The following DPP10 variants were observed in gnomAD, a reference collection of about 807,000 sequenced individuals.
DPP10 encodes the protein dipeptidyl peptidase like 10, also known as inactive dipeptidyl peptidase 10.
Under a neutral mutation model 120.9 loss-of-function variants are expected in DPP10, and 33 were observed. That is an observed-to-expected ratio of 0.27 (90% CI 0.21 to 0.37). The LOEUF (loss-of-function observed/expected upper bound fraction) is 0.37, where lower values mean the gene tolerates loss of function less well. Among genes scored for constraint, DPP10 ranks in the 10% least tolerant of loss-of-function variants. The pLI is 1.00. For missense variants in DPP10, 816 were observed against 942.8 expected (o/e 0.87, Z 1.76); for synonymous variants, 337 against 326.1 (o/e 1.03, Z -0.36).
intron 1 of DPP10, among the ~76,000 whole-genome samples, chr2:115,012,021 A>C (rs530843709): frequency 6.6e-6 from 1 of 152,048 alleles, no homozygotes; most frequent in Admixed American, 6.6e-5. Context: ...GCTTTCCCCT[A>C]CTTCCCTGGC....
chr2:115,083,788 C>T lies in DPP10; in HGVS notation c.61-225451C>T, dbSNP rs559674931. Among the ~76,000 whole-genome samples the T allele has an allele frequency of 2.0e-4, 30 of 152,308 alleles. 1 individual carries two copies. The South Asian group carries it at 6.2e-3, about 32-fold the overall frequency. On this transcript the variant is annotated intron_variant, in intron 1 of 25. Transcript: ENST00000410059. ...CACTAAGTGATTTCTGCAAGATTTT[C>T]ATGGTAGCATCCAACTACACAGCCA...
At chr2:114,472,828 T>C (rs1389881608) in intron 1 of DPP10, among the ~76,000 whole-genome samples, 1 of 152,204 alleles carries the variant, frequency 6.6e-6, no homozygotes, top group Admixed American at 6.5e-5. Flanking sequence ...CTGAAGCTGG[T>C]TCACAGAAGT....
rs2076432570 is a variant in DPP10 at position 115,497,007 on chromosome 2, A to ACAGGACTGGTTGAGTCG, written c.272-2503_272-2502insCAGGACTGGTTGAGTCG. 3.3e-5 allele frequency among the ~76,000 whole-genome samples: 5 copies of ACAGGACTGGTTGAGTCG among 151,888 alleles called. No individual in the cohort carries two copies. The South Asian group carries it at 1.0e-3, about 32-fold the overall frequency. ...GGGAGGTCACAGGACTGGTTGAGTC[A>ACAGGACTGGTTGAGTCG]TGAGTCCAGGTGAGGCCAGTCTGAA... On this transcript the variant is annotated intron_variant, in intron 3 of 25. Coordinates refer to ENST00000410059, the MANE Select transcript of DPP10 (RefSeq NM_020868.6).
At chr2:115,462,528 A>G (rs994436726) in intron 3 of DPP10, among the ~76,000 whole-genome samples, 1 of 152,186 alleles carries the variant, frequency 6.6e-6, no homozygotes, top group South Asian at 2.1e-4. Flanking sequence ...AAGGTCCTCC[A>G]TGATATGAAG....
At chr2:115,272,905 C>T (rs935698082) in intron 1 of DPP10, among the ~76,000 whole-genome samples, 1 of 152,198 alleles carries the variant, frequency 6.6e-6, no homozygotes, top group African/African-American at 2.4e-5. Flanking sequence ...GGATGAAAAA[C>T]GCTTCATAAT....
intron 1 of DPP10, among the ~76,000 whole-genome samples, chr2:115,032,454 CAAAG>C (rs752993072): frequency 5.7e-4 from 87 of 152,206 alleles, no homozygotes; most frequent in Non-Finnish European, 5.4e-4. Flanking sequence ...ATTCAGAATA[CAAAG>C]AAAGATATTT....
intron 4 of DPP10, among the ~76,000 whole-genome samples, chr2:115,500,590 T>C (rs1385240749): frequency 6.6e-6 from 1 of 152,042 alleles, no homozygotes; most frequent in Non-Finnish European, 1.5e-5. Context: ...AGTGATTATA[T>C]ATGTATATCA....
Position 114,556,269 on chromosome 2 carries a change from A to ATATATATG in DPP10, c.60+113431_60+113432insTATATATG, listed in dbSNP as rs70937289. On this transcript the variant is annotated intron_variant, in intron 1 of 25. Coordinates refer to ENST00000410059, the MANE Select transcript of DPP10 (RefSeq NM_020868.6). ...TATATATATATATATATATATATATAGGCAAATAATAGATGATAGATGAGT... is the reference window on the plus strand; with the variant it reads ...TATATATATATATATATATATATATATATATATGGGCAAATAATAGATGATAGATGAGT... Among the ~76,000 whole-genome samples the ATATATATG allele has an allele frequency of 5.8e-4, 81 of 139,444 alleles. 1 individual carries two copies. Among genetic ancestry groups the ATATATATG allele is most frequent in the African/African-American group, 1.9e-3 (71 of 37,630 alleles). The allele number at this position is 139,444 out of a possible 152,430, so 91.5% of individuals were successfully genotyped here.
intron 1 of DPP10, among the ~76,000 whole-genome samples, chr2:114,715,046 C>T (rs1035630840): frequency 2.6e-5 from 4 of 152,242 alleles, no homozygotes; most frequent in Middle Eastern, 3.4e-3. Flanking sequence ...CTAGTCTCTA[C>T]CTATCTGAGC....
intron 1 of DPP10, among the ~76,000 whole-genome samples, chr2:115,003,657 G>A (rs921209585): frequency 7.2e-5 from 11 of 151,946 alleles, no homozygotes; most frequent in Non-Finnish European, 1.3e-4. Context: ...CATGAACAAT[G>A]CAAACATAAA....
rs557195985 is a variant in DPP10 at position 115,370,117 on chromosome 2, CA to C, written c.271+26210del. The stretch of plus-strand genomic sequence containing the variant: ...ATTGAGATTTCTCATTTGGAATAAA[CA>C]AAAACATTGAATTGCAAAAAGAAAA... On this transcript the variant is annotated intron_variant, in intron 3 of 25. Transcript: ENST00000410059. Among the ~76,000 whole-genome samples, 32 of 152,184 alleles carry C rather than the reference CA, an allele frequency of 2.1e-4. No homozygotes were observed. The South Asian group carries it at 5.6e-3, about 27-fold the overall frequency.
chr2:114,821,474 T>C (rs1016053992), intron 1 of DPP10, among the ~76,000 whole-genome samples: 1 of 152,144 alleles, frequency 6.6e-6, no homozygotes, highest in Non-Finnish European at 1.5e-5. Context: ...ACGAAAACTT[T>C]TTCTATCTGC....
At chr2:114,681,105 T>G (rs1224556864) in intron 1 of DPP10, among the ~76,000 whole-genome samples, 5 of 152,008 alleles carry the variant, frequency 3.3e-5, no homozygotes. Flanking sequence ...CTACCCCTTT[T>G]GCAAATTCCA....
intron 3 of DPP10, among the ~76,000 whole-genome samples, chr2:115,476,972 G>T (rs770676459): frequency 6.6e-6 from 1 of 151,998 alleles, no homozygotes; most frequent in African/African-American, 2.4e-5. Context: ...ATACCCTTTC[G>T]TGATGAAAAC....
chr2:114,773,898 T>G (rs1389846476), intron 1 of DPP10, among the ~76,000 whole-genome samples: 2 of 152,022 alleles, frequency 1.3e-5, no homozygotes, highest in African/African-American at 4.8e-5. Flanking sequence ...AAATATATAC[T>G]TTTTGATATT....
chr2:115,100,031 T>C (rs376580344), intron 1 of DPP10, among the ~76,000 whole-genome samples: 3 of 152,216 alleles, frequency 2.0e-5, no homozygotes, highest in African/African-American at 7.2e-5. Context: ...GTTATATGGA[T>C]GATGCCACTC....
intron 3 of DPP10, among the ~76,000 whole-genome samples, chr2:115,436,317 T>C (rs1253408390): frequency 6.6e-6 from 1 of 151,862 alleles, no homozygotes; most frequent in Non-Finnish European, 1.5e-5. Context: ...GTTTAATTTG[T>C]CTCTACAAAT....
intron 1 of DPP10, among the ~76,000 whole-genome samples, chr2:115,232,978 A>C (rs939512319): frequency 6.6e-6 from 1 of 152,118 alleles, no homozygotes; most frequent in African/African-American, 2.4e-5. Flanking sequence ...ATAGCTAATA[A>C]GGACTAGAGT....
At chr2:114,753,037 C>G (rs1173409796) in intron 1 of DPP10, among the ~76,000 whole-genome samples, 9 of 152,120 alleles carry the variant, frequency 5.9e-5, no homozygotes, top group African/African-American at 1.7e-4. Flanking sequence ...GGGACACACA[C>G]TTCCTGCAGG....
Sources: gnomAD v4.1 joint callset for allele counts (sites outside exome capture counted in the v4.1 genomes callset) on GRCh38, gnomAD v4.1.1 for gene constraint, MANE v1.5 for transcripts, NCBI Gene and HGNC (gene_info 2026-07-23, HGNC 2026-07-21) for gene names.